The following H3C12 variants were observed in gnomAD, a reference collection of about 807,000 sequenced individuals.
H3C12 encodes the protein histone H3.1.
H3C12 carries 7 observed loss-of-function variants against 7.0 expected under a neutral mutation model. That is an observed-to-expected ratio of 1.00 (90% CI 0.57 to 1.87). The LOEUF (loss-of-function observed/expected upper bound fraction) is 1.87. Ranked by LOEUF, H3C12 falls within the 40% of genes most tolerant of loss-of-function variation. The pLI is 0.00. For synonymous variants in H3C12, 100 were observed against 78.5 expected (o/e 1.27, Z -1.45); for missense variants, 167 against 191.4 (o/e 0.87, Z 0.75).
chr6:27,890,399 G>A lies in H3C12; in HGVS notation c.394C>T (p.Arg132Cys), dbSNP rs1199392510. ...GCAGGGGATTATGCTCGCTCGCCAC[G>A]GATACGACGCGCAAGCTGGATGTCC... Reference protein sequence around the residue: ...PKDIQLARRIRGERA With the variant: ...PKDIQLARRICGERA The change falls in exon 1 of 1, where the codon CGT becomes TGT. Residue 132 changes from arginine (R) to cysteine (C), a missense_variant. Around this residue, in one of 2 missense-constraint regions of H3C12, gnomAD observed 121 missense variants for 112.5 expected, o/e 1.08. Transcript: ENST00000359303. 2 of 1,588,212 alleles carry A rather than the reference G, an allele frequency of 1.3e-6. No homozygotes were observed. The highest frequency in any genetic ancestry group is 1.7e-6 in the Non-Finnish European group (2 of 1,164,728).
Position 27,890,796 on chromosome 6 carries a change from T to G in H3C12, c.-4A>C, listed in dbSNP as rs1761883315. 2 of 1,606,488 alleles carry G rather than the reference T, an allele frequency of 1.2e-6. No homozygotes were observed. The highest frequency in any genetic ancestry group is 1.7e-6 in the Non-Finnish European group (2 of 1,177,324). On this transcript the variant is annotated 5_prime_UTR_variant, in exon 1 of 1. Coordinates refer to ENST00000359303, the MANE Select transcript of H3C12 (RefSeq NM_003535.3). ...CTGTCTGCTTCGTCCGGGCCATAGT[T>G]GAGAAAGCTATGCTCTGAAAGCAAG...
chr6:27,890,826 T>C lies in H3C12; in HGVS notation c.-34A>G, dbSNP rs1241389553. 2 of 1,578,946 alleles carry C rather than the reference T, an allele frequency of 1.3e-6. No homozygotes were observed. The highest frequency in any genetic ancestry group is 1.7e-6 in the Non-Finnish European group (2 of 1,164,518). On this transcript the variant is annotated 5_prime_UTR_variant, in exon 1 of 1. Transcript: ENST00000359303. Reference sequence around the variant, plus strand: ...AAGCTATGCTCTGAAAGCAAGCAGCTGAATGAGCAGTGGCTTCTACCAGAA... The same window carrying C: ...AAGCTATGCTCTGAAAGCAAGCAGCCGAATGAGCAGTGGCTTCTACCAGAA...
At position 27,890,442 on chromosome 6, in the gene H3C12, A is replaced by G. The variant is rs1359682834; in HGVS notation, c.351T>C (p.Arg117=). 6.2e-7 allele frequency: 1 copy of G among 1,613,172 alleles called. No individual in the cohort carries two copies. The highest frequency in any genetic ancestry group is 1.1e-5 in the South Asian group (1 of 91,040). The part of the protein sequence containing the change: ...DTNLCAIHAK[R]VTIMPKDIQL... ...GGATGTCCTTAGGCATAATAGTGAC[A>G]CGCTTGGCGTGAATAGCACAGAGGT... Residue 117 remains arginine, a synonymous_variant, in exon 1 of 1, where the codon CGT becomes CGC. Transcript: ENST00000359303.
In H3C12 at chr6:27,890,630, A is replaced by T. The variant is rs1457183649; in HGVS notation, c.163T>A (p.Tyr55Asn). 7 of 1,614,102 alleles carry T rather than the reference A, an allele frequency of 4.3e-6. No homozygotes were observed. ...ATGAGCAGCTCAGTCGACTTCTGAT[A>T]ACGGCGGATCTCACGCAAGGCCACG... ...GTVALREIRR[Y>N]QKSTELLIRK... Residue 55 changes from tyrosine to asparagine, a missense_variant, in exon 1 of 1, where the codon TAT (tyrosine) becomes AAT (asparagine). Around this residue, in one of 2 missense-constraint regions of H3C12, gnomAD observed 121 missense variants for 112.5 expected, o/e 1.08. Transcript: ENST00000359303.
At position 27,890,818 on chromosome 6, in the gene H3C12, C is replaced by G; in HGVS notation, c.-26G>C. On this transcript the variant is annotated 5_prime_UTR_variant, in exon 1 of 1. Transcript: ENST00000359303. The stretch of plus-strand genomic sequence containing the variant: ...AGTTGAGAAAGCTATGCTCTGAAAG[C>G]AAGCAGCTGAATGAGCAGTGGCTTC... 1 of 1,589,322 alleles carries G rather than the reference C, an allele frequency of 6.3e-7. No homozygotes were observed. The highest frequency in any genetic ancestry group is 8.5e-7 in the Non-Finnish European group (1 of 1,170,552).
At position 27,890,823 on chromosome 6, in the gene H3C12, A is replaced by C; in HGVS notation, c.-31T>G. ...AGAAAGCTATGCTCTGAAAGCAAGCAGCTGAATGAGCAGTGGCTTCTACCA... is the reference window on the plus strand; with the variant it reads ...AGAAAGCTATGCTCTGAAAGCAAGCCGCTGAATGAGCAGTGGCTTCTACCA... On this transcript the variant is annotated 5_prime_UTR_variant, in exon 1 of 1. Coordinates refer to ENST00000359303, the MANE Select transcript of H3C12 (RefSeq NM_003535.3). The C allele has an allele frequency of 6.3e-7, 1 of 1,579,290 alleles. No individual in the cohort carries two copies. Among genetic ancestry groups the C allele is most frequent in the Non-Finnish European group, 8.6e-7 (1 of 1,164,272 alleles).
Position 27,890,562 on chromosome 6 carries a change from C to A in H3C12, c.231G>T (p.Gln77His). 6.2e-7 allele frequency: 1 copy of A among 1,614,266 alleles called. No individual in the cohort carries two copies. Among genetic ancestry groups the A allele is most frequent in the Non-Finnish European group, 8.5e-7 (1 of 1,180,040 alleles). ...GGAAACGAAGGTCGGTTTTGAAATC[C>A]TGCGCGATTTCTCGCACCAGGCGCT... ...PFQRLVREIA[Q>H]DFKTDLRFQS... The change falls in exon 1 of 1, where the codon CAG becomes CAT. Residue 77 changes from glutamine to histidine, a missense_variant. Gln to His is a conservative substitution (Grantham distance 24, BLOSUM62 0). Coordinates refer to ENST00000359303, the MANE Select transcript of H3C12 (RefSeq NM_003535.3).
chr6:27,890,786 G>C lies in H3C12; in HGVS notation c.7C>G (p.Arg3Gly), dbSNP rs773365241. MA[R>G]TKQTARKSTG... ...GACTTGCGAGCTGTCTGCTTCGTCC[G>C]GGCCATAGTTGAGAAAGCTATGCTC... The change falls in exon 1 of 1, where the codon CGG (arginine) becomes GGG (glycine). Residue 3 changes from arginine (R) to glycine (G), a missense_variant. This residue lies in a region of H3C12 where 46 missense variants were observed against 78.9 expected (regional missense o/e 0.58). Coordinates refer to ENST00000359303, the MANE Select transcript of H3C12 (RefSeq NM_003535.3). 6.2e-7 allele frequency: 1 copy of C among 1,610,314 alleles called. No individual in the cohort carries two copies. The highest frequency in any genetic ancestry group is 8.5e-7 in the Non-Finnish European group (1 of 1,178,634).
rs777246314 is a variant in H3C12 at position 27,890,718 on chromosome 6, T to C, written c.75A>G (p.Ala25=). 6.2e-7 allele frequency: 1 copy of C among 1,614,088 alleles called. No individual in the cohort carries two copies. The highest frequency in any genetic ancestry group is 2.2e-5 in the East Asian group (1 of 44,880). ...KAPRKQLATK[A]ARKSAPATGG... ...CAGTCGCTGGAGCGCTTTTGCGCGC[T>C]GCCTTGGTGGCCAGCTGCTTCCGCG... Residue 25 remains alanine, a synonymous_variant, in exon 1 of 1, where the codon GCA becomes GCG. Coordinates refer to ENST00000359303, the MANE Select transcript of H3C12 (RefSeq NM_003535.3).
chr6:27,890,585 G>T lies in H3C12; in HGVS notation c.208C>A (p.Arg70Ser). Reference protein sequence around the residue: ...ELLIRKLPFQRLVREIAQDFK... With the variant: ...ELLIRKLPFQSLVREIAQDFK... ...TCCTGCGCGATTTCTCGCACCAGGC[G>T]CTGAAATGGCAGTTTGCGGATGAGC... The change falls in exon 1 of 1, where the codon CGC becomes AGC. Residue 70 changes from arginine to serine, a missense_variant. Physicochemically the swap from Arg to Ser is moderately radical, Grantham distance 110 (BLOSUM62 -1). Coordinates refer to ENST00000359303, the MANE Select transcript of H3C12 (RefSeq NM_003535.3). 2 of 1,614,210 alleles carry T rather than the reference G, an allele frequency of 1.2e-6. No individual in the cohort carries two copies. The highest frequency in any genetic ancestry group is 1.7e-6 in the Non-Finnish European group (2 of 1,180,012).
At position 27,890,684 on chromosome 6, in the gene H3C12, T is replaced by A; in HGVS notation, c.109A>T (p.Lys37Ter). Residue 37 changes from lysine (K) to a stop codon, truncating the protein, a stop_gained, in exon 1 of 1, where the codon AAG (lysine) becomes TAG (stop). Coordinates refer to ENST00000359303, the MANE Select transcript of H3C12 (RefSeq NM_003535.3). LOFTEE classifies it high-confidence loss of function. ...CCTGGCCTGTAGCGGTGGGGCTTCT[T>A]CACACCGCCAGTCGCTGGAGCGCTT... ...RKSAPATGGV[K>*]KPHRYRPGTV... 1 of 1,614,174 alleles carries A rather than the reference T, an allele frequency of 6.2e-7. No homozygotes were observed. Among genetic ancestry groups the A allele is most frequent in the Non-Finnish European group, 8.5e-7 (1 of 1,180,014 alleles).
chr6:27,890,385 T>C lies in H3C12; in HGVS notation c.408A>G (p.Ala136=), dbSNP rs768443928. ...QLARRIRGER[A] ...AAACCCAAGATAGAGCAGGGGATTA[T>C]GCTCGCTCGCCACGGATACGACGCG... Residue 136 remains alanine (A), a synonymous_variant, in exon 1 of 1, where the codon GCA becomes GCG. Transcript: ENST00000359303. 2 of 1,576,420 alleles carry C rather than the reference T, an allele frequency of 1.3e-6. No homozygotes were observed. Among genetic ancestry groups the C allele is most frequent in the Non-Finnish European group, 1.7e-6 (2 of 1,159,154 alleles).
rs1436434441 is a variant in H3C12 at position 27,890,389 on chromosome 6, C to T, written c.404G>A (p.Arg135Gln). 1.3e-6 allele frequency: 2 copies of T among 1,578,426 alleles called. No homozygotes were observed. The highest frequency in any genetic ancestry group is 1.7e-6 in the Non-Finnish European group (2 of 1,160,158). ...CCAAGATAGAGCAGGGGATTATGCT[C>T]GCTCGCCACGGATACGACGCGCAAG... is the stretch of plus-strand genomic sequence containing the variant. ...IQLARRIRGE[R>Q]A The change falls in exon 1 of 1, where the codon CGA (arginine) becomes CAA (glutamine). Residue 135 changes from arginine to glutamine, a missense_variant. Coordinates refer to ENST00000359303, the MANE Select transcript of H3C12 (RefSeq NM_003535.3).
chr6:27,890,676 G>C lies in H3C12; in HGVS notation c.117C>G (p.Pro39=). Residue 39 remains proline (P), a synonymous_variant, in exon 1 of 1, where the codon CCC becomes CCG. Coordinates refer to ENST00000359303, the MANE Select transcript of H3C12 (RefSeq NM_003535.3). The stretch of plus-strand genomic sequence containing the variant: ...CCACGGTGCCTGGCCTGTAGCGGTG[G>C]GGCTTCTTCACACCGCCAGTCGCTG... ...SAPATGGVKK[P]HRYRPGTVAL... 6.2e-7 allele frequency: 1 copy of C among 1,614,188 alleles called. No individual in the cohort carries two copies. The highest frequency in any genetic ancestry group is 8.5e-7 in the Non-Finnish European group (1 of 1,180,014).
Position 27,890,357 on chromosome 6 carries a change from A to G in H3C12, c.*25T>C, listed in dbSNP as rs765401144. 1 of 1,525,988 alleles carries G rather than the reference A, an allele frequency of 6.6e-7. No individual in the cohort carries two copies. The highest frequency in any genetic ancestry group is 8.8e-7 in the Non-Finnish European group (1 of 1,137,966). The allele number at this position is 1,525,988 out of a possible 1,614,324, so 94.5% of individuals were successfully genotyped here. On this transcript the variant is annotated 3_prime_UTR_variant, in exon 1 of 1. Transcript: ENST00000359303. ...AGCCTTTGGAAGCTTGGAAGCAATT[A>G]AGAAACCCAAGATAGAGCAGGGGAT...
rs763176472 is a variant in H3C12, at chr6:27,890,637, G to A, written c.156C>T (p.Ile52=). The change falls in exon 1 of 1, where the codon ATC becomes ATT. Residue 52 remains isoleucine, a synonymous_variant. Coordinates refer to ENST00000359303, the MANE Select transcript of H3C12 (RefSeq NM_003535.3). Reference sequence around the variant, plus strand: ...GCTCAGTCGACTTCTGATAACGGCGGATCTCACGCAAGGCCACGGTGCCTG... The same window carrying A: ...GCTCAGTCGACTTCTGATAACGGCGAATCTCACGCAAGGCCACGGTGCCTG... ...YRPGTVALRE[I]RRYQKSTELL... is the part of the protein sequence containing the mutation. The A allele has an allele frequency of 3.2e-5, 51 of 1,614,136 alleles. No homozygotes were observed. In the Middle Eastern group the frequency reaches 8.2e-4, roughly 26 times the overall value.
At position 27,890,663 on chromosome 6, in the gene H3C12, G is replaced by GC. The variant is rs765853496; in HGVS notation, c.129dup (p.Pro44AlafsTer8). On this transcript the variant is annotated frameshift_variant, in exon 1 of 1. Transcript: ENST00000359303. LOFTEE classifies it high-confidence loss of function. ...ATCTCACGCAAGGCCACGGTGCCTG[G>GC]CCTGTAGCGGTGGGGCTTCTTCACA... 1.2e-6 allele frequency: 2 copies of GC among 1,614,204 alleles called. No individual in the cohort carries two copies. The highest frequency in any genetic ancestry group is 4.5e-5 in the East Asian group (2 of 44,876).
chr6:27,890,361 A>T lies in H3C12; in HGVS notation c.*21T>A. The T allele has an allele frequency of 6.6e-7, 1 of 1,526,652 alleles. No individual in the cohort carries two copies. Among genetic ancestry groups the T allele is most frequent in the Admixed American group, 2.2e-5 (1 of 45,552 alleles). The allele number at this position is 1,526,652 out of a possible 1,614,324, so 94.6% of individuals were successfully genotyped here. A position where few individuals can be genotyped will look rare whatever the true frequency, so the allele number is the denominator to read the frequency against. On this transcript the variant is annotated 3_prime_UTR_variant, in exon 1 of 1. Transcript: ENST00000359303. ...TTTGGAAGCTTGGAAGCAATTAAGA[A>T]ACCCAAGATAGAGCAGGGGATTATG...
In H3C12 at chr6:27,890,628, A is replaced by G. The variant is rs1337698540; in HGVS notation, c.165T>C (p.Tyr55=). 2 of 1,614,106 alleles carry G rather than the reference A, an allele frequency of 1.2e-6. No individual in the cohort carries two copies. The highest frequency in any genetic ancestry group is 2.7e-5 in the African/African-American group (2 of 74,938). The change falls in exon 1 of 1, where the codon TAT becomes TAC. Residue 55 remains tyrosine (Y), a synonymous_variant. Transcript: ENST00000359303. ...GTVALREIRR[Y]QKSTELLIRK... Reference sequence around the variant, plus strand: ...GGATGAGCAGCTCAGTCGACTTCTGATAACGGCGGATCTCACGCAAGGCCA... The same window carrying G: ...GGATGAGCAGCTCAGTCGACTTCTGGTAACGGCGGATCTCACGCAAGGCCA...
Sources: allele counts gnomAD v4.1 joint callset, GRCh38; gene constraint gnomAD v4.1.1; regional missense constraint gnomAD v4.1.1; transcripts MANE v1.5; gene names NCBI Gene and HGNC (gene_info 2026-07-23, HGNC 2026-07-21).